The following PCGF5 variants were observed in gnomAD, a reference collection of about 807,000 sequenced individuals.
PCGF5 encodes polycomb group ring finger 5, also known as polycomb group RING finger protein 5.
In PCGF5, 9 loss-of-function variants were observed where a neutral mutation model predicts 44.3. That is an observed-to-expected ratio of 0.20 (90% CI 0.12 to 0.35). PCGF5 has a LOEUF of 0.35. Among genes scored for constraint, PCGF5 ranks in the 10% least tolerant of loss-of-function variants. The probability of loss-of-function intolerance (pLI) is 1.00; values close to 1 mark genes in which losing one functional copy is unlikely to be tolerated. For missense variants in PCGF5, 146 were observed against 305.3 expected, an observed-to-expected ratio of 0.48 and a Z score of 3.89; for synonymous variants, 95 against 102.5, an observed-to-expected ratio of 0.93 and a Z score of 0.44.
chr10:91,260,550 G>A (rs1023709956), intron 6 of PCGF5, among the ~76,000 whole-genome samples: 4 of 151,946 alleles, frequency 2.6e-5, no homozygotes, highest in Admixed American at 6.6e-5. Flanking sequence ...GCAAAGACTT[G>A]GAACCAACCC....
intron 2 of PCGF5, among the ~76,000 whole-genome samples, chr10:91,237,895 C>A (rs1434522821): frequency 2.0e-5 from 3 of 152,106 alleles, no homozygotes; most frequent in Non-Finnish European, 4.4e-5. Flanking sequence ...TGAAAATAAA[C>A]TCACCTCTTG....
chr10:91,232,415 C>G (rs1589383484), intron 2 of PCGF5, among the ~76,000 whole-genome samples: 1 of 152,098 alleles, frequency 6.6e-6, no homozygotes, highest in Non-Finnish European at 1.5e-5. Flanking sequence ...AGAATAAGTG[C>G]CACTATGTCA....
chr10:91,229,054 G>T (rs1218503426), intron 2 of PCGF5, among the ~76,000 whole-genome samples: 1 of 152,216 alleles, frequency 6.6e-6, no homozygotes, highest in Non-Finnish European at 1.5e-5. Context: ...ATAAAGGAAT[G>T]AAATATTAGC....
At position 91,228,489 on chromosome 10, in the gene PCGF5, G is replaced by A. The variant is rs112614511; in HGVS notation, c.112+5506G>A. On this transcript the variant is annotated intron_variant, in intron 2 of 9. Transcript: ENST00000336126. ...ATTATGGCAGTAATCCCTAACCTAA[G>A]AATAAATTATTTGCAAAAACACATT... Among the ~76,000 whole-genome samples the A allele has an allele frequency of 9.6e-3, 1,454 of 152,052 alleles. 19 individuals carry two copies. Among genetic ancestry groups the A allele is most frequent in the African/African-American group, 0.033 (1,382 of 41,486 alleles).
At chr10:91,178,493 A>T (rs1843755137) in intron 1 of PCGF5, among the ~76,000 whole-genome samples, 1 of 151,454 alleles carries the variant, frequency 6.6e-6, no homozygotes, top group African/African-American at 2.4e-5. Context: ...AGGCTCAAGC[A>T]ATACCCCCAT....
intron 1 of PCGF5, among the ~76,000 whole-genome samples, chr10:91,198,035 G>A (rs1844174833): frequency 6.6e-6 from 1 of 152,176 alleles, no homozygotes; most frequent in African/African-American, 2.4e-5. Flanking sequence ...TGCCCTCACA[G>A]AGCTTACATT....
chr10:91,259,715 G>A (rs1260151278), intron 6 of PCGF5, among the ~76,000 whole-genome samples: 1 of 152,120 alleles, frequency 6.6e-6, no homozygotes, highest in Non-Finnish European at 1.5e-5. Context: ...AACAAGAAAT[G>A]GGGAAAGGAT....
At chr10:91,162,663 C>A (rs1238706470), upstream of PCGF5, among the ~76,000 whole-genome samples, 1 of 151,564 alleles carries the variant, frequency 6.6e-6, no homozygotes, top group East Asian at 2.0e-4. Context: ...CCCCTCCAGG[C>A]CTGGGCACCG....
At chr10:91,167,068 A>T (rs1843513729) in intron 1 of PCGF5, among the ~76,000 whole-genome samples, 1 of 152,190 alleles carries the variant, frequency 6.6e-6, no homozygotes, top group Non-Finnish European at 1.5e-5. Flanking sequence ...TTCTCCTGCA[A>T]TTTTAGTTAA....
intron 3 of PCGF5, among the ~76,000 whole-genome samples, chr10:91,247,575 A>G (rs1845499939): frequency 6.6e-6 from 1 of 150,942 alleles, no homozygotes; most frequent in South Asian, 2.1e-4. Flanking sequence ...AGCAGGATGA[A>G]GGAGATGAGG....
At chr10:91,259,271 T>G (rs1845833618) in intron 6 of PCGF5, among the ~76,000 whole-genome samples, 1 of 152,112 alleles carries the variant, frequency 6.6e-6, no homozygotes, top group Non-Finnish European at 1.5e-5. Flanking sequence ...CAACACAAGG[T>G]CCACACTATG....
intron 2 of PCGF5, 95 bp from the exon 3 acceptor site, chr10:91,240,389 A>T (rs376506102): frequency 2.9e-6 from 2 of 701,264 alleles, no homozygotes; most frequent in African/African-American, 1.8e-5. Flanking sequence ...TACTTGTAGT[A>T]GGTAGTTTTA....
chr10:91,276,639 CTG>C (rs1278136000), intron 9 of PCGF5, among the ~76,000 whole-genome samples: 5 of 152,302 alleles, frequency 3.3e-5, no homozygotes, highest in African/African-American at 1.2e-4. Flanking sequence ...CAGCCGGAAA[CTG>C]AGAAAATCCC....
chr10:91,249,540 G>A (rs1298332665), intron 5 of PCGF5, among the ~76,000 whole-genome samples: 3 of 151,476 alleles, frequency 2.0e-5, no homozygotes, highest in Non-Finnish European at 4.4e-5. Context: ...TCAAGAATGT[G>A]TGTGTGTTCT....
chr10:91,175,432 C>T (rs1389773321), intron 1 of PCGF5, among the ~76,000 whole-genome samples: 1 of 152,106 alleles, frequency 6.6e-6, no homozygotes, highest in Non-Finnish European at 1.5e-5. Context: ...GAAGGACTTA[C>T]AGAAACTGAC....
At chr10:91,182,479 A>C (rs559320829) in intron 1 of PCGF5, among the ~76,000 whole-genome samples, 12 of 151,700 alleles carry the variant, frequency 7.9e-5, no homozygotes, top group African/African-American at 2.9e-4. Flanking sequence ...ATATTTTATT[A>C]TTTTTTTCAA....
chr10:91,236,379 A>C (rs938344752), intron 2 of PCGF5, among the ~76,000 whole-genome samples: 1 of 152,208 alleles, frequency 6.6e-6, no homozygotes, highest in African/African-American at 2.4e-5. Flanking sequence ...ATTAAATATT[A>C]GCTAAGTTGT....
intron 9 of PCGF5, among the ~76,000 whole-genome samples, chr10:91,271,929 A>C (rs145865790): frequency 0.014 from 2,166 of 152,296 alleles, 49 homozygotes; most frequent in African/African-American, 0.05. Flanking sequence ...ATTACTTATG[A>C]ATCAGGAATT....
chr10:91,236,745 T>C (rs761536576), intron 2 of PCGF5, among the ~76,000 whole-genome samples: 34 of 152,238 alleles, frequency 2.2e-4, no homozygotes, highest in Non-Finnish European at 8.8e-5. Context: ...AAATCCTCAT[T>C]TTACTTTTTC....
Sources: gnomAD v4.1 joint callset for allele counts (sites outside exome capture counted in the v4.1 genomes callset) on GRCh38, gnomAD v4.1.1 for gene constraint, MANE v1.5 for transcripts, NCBI Gene and HGNC (gene_info 2026-07-23, HGNC 2026-07-21) for gene names.